GUCY1A2: variants seen among roughly 807,000 people sequenced by gnomAD.
The protein encoded by GUCY1A2 is guanylate cyclase soluble subunit alpha-2.
In GUCY1A2, 27 loss-of-function variants were observed where a neutral mutation model predicts 63.5. That is an observed-to-expected ratio of 0.43 (90% CI 0.31 to 0.59). The LOEUF (loss-of-function observed/expected upper bound fraction) is 0.59, where lower values mean the gene tolerates loss of function less well. GUCY1A2 is among the 20% of genes least tolerant of loss of function. The pLI, the probability that GUCY1A2 is intolerant of heterozygous loss-of-function variation, is 0.11. For missense variants in GUCY1A2, 768 were observed against 913.3 expected, an observed-to-expected ratio of 0.84 and a Z score of 2.05; for synonymous variants, 364 against 343.5, an observed-to-expected ratio of 1.06 and a Z score of -0.66.
At chr11:106,943,671 T>A (rs531111206) in intron 3 of GUCY1A2, among the ~76,000 whole-genome samples, 2 of 152,348 alleles carry the variant, frequency 1.3e-5, no homozygotes, top group East Asian at 3.9e-4. Flanking sequence ...TCATAGAAAT[T>A]AAGCATTCAT....
chr11:106,848,499 A>G (rs1460149107), intron 4 of GUCY1A2, among the ~76,000 whole-genome samples: 1 of 151,698 alleles, frequency 6.6e-6, no homozygotes, highest in Non-Finnish European at 1.5e-5. Context: ...TCCATTTTTA[A>G]GAACTGTAAA....
intron 4 of GUCY1A2, among the ~76,000 whole-genome samples, chr11:106,901,891 G>A (rs1340640463): frequency 1.3e-5 from 2 of 152,032 alleles, no homozygotes; most frequent in Non-Finnish European, 2.9e-5. Context: ...TATCACTGAC[G>A]GACATTTTGG....
At chr11:106,852,099 T>C (rs1238187000) in intron 4 of GUCY1A2, among the ~76,000 whole-genome samples, 1 of 152,040 alleles carries the variant, frequency 6.6e-6, no homozygotes, top group Non-Finnish European at 1.5e-5. Context: ...GTATTTTTTG[T>C]AGCTATTGTA....
At chr11:106,847,244 ATATAT>A (rs1859287197) in intron 4 of GUCY1A2, among the ~76,000 whole-genome samples, 1 of 92,518 alleles carries the variant, frequency 1.1e-5, no homozygotes, top group African/African-American at 3.8e-5. Flanking sequence ...AAAAAAAAAT[ATATAT>A]ATATATATAA....
intron 6 of GUCY1A2, among the ~76,000 whole-genome samples, chr11:106,747,769 G>A (rs1863815078): frequency 6.6e-6 from 1 of 152,210 alleles, no homozygotes; most frequent in African/African-American, 2.4e-5. Flanking sequence ...GGAGTGCTGG[G>A]GTGGGATGGG....
intron 4 of GUCY1A2, among the ~76,000 whole-genome samples, chr11:106,845,762 T>C (rs1193464617): frequency 6.6e-6 from 1 of 151,596 alleles, no homozygotes; most frequent in Non-Finnish European, 1.5e-5. Context: ...ACGAATACAA[T>C]TGATTCTGGC....
chr11:106,993,986 G>C (rs1221423383), intron 1 of GUCY1A2, among the ~76,000 whole-genome samples: 2 of 152,180 alleles, frequency 1.3e-5, no homozygotes, highest in Admixed American at 1.3e-4. Flanking sequence ...AGCTAGAGAT[G>C]CACTAAAATT....
At chr11:106,805,766 C>T (rs1041711600) in intron 5 of GUCY1A2, among the ~76,000 whole-genome samples, 1 of 152,140 alleles carries the variant, frequency 6.6e-6, no homozygotes, top group Non-Finnish European at 1.5e-5. Flanking sequence ...GGAGAATCTC[C>T]TACTTTACAG....
chr11:106,801,551 A>T (rs1260657799), intron 5 of GUCY1A2, among the ~76,000 whole-genome samples: 1 of 152,122 alleles, frequency 6.6e-6, no homozygotes, highest in Non-Finnish European at 1.5e-5. Context: ...CACATGAATG[A>T]TTTAAACCAT....
intron 5 of GUCY1A2, among the ~76,000 whole-genome samples, chr11:106,797,104 G>T (rs565838696): frequency 1.3e-5 from 2 of 152,008 alleles, no homozygotes; most frequent in African/African-American, 4.8e-5. Flanking sequence ...CATAGTTCTC[G>T]TGCCATGGTT....
chr11:106,698,940 T>TA (rs1048043242), intron 7 of GUCY1A2, among the ~76,000 whole-genome samples: 2 of 152,038 alleles, frequency 1.3e-5, no homozygotes, highest in East Asian at 1.9e-4. Flanking sequence ...ATGAGAATAT[T>TA]AAAAAAAACT....
intron 1 of GUCY1A2, among the ~76,000 whole-genome samples, chr11:107,009,233 A>G (rs1402697298): frequency 1.3e-5 from 2 of 152,118 alleles, no homozygotes; most frequent in African/African-American, 4.8e-5. Flanking sequence ...GTGGCCCTAT[A>G]TATCTGATAT....
chr11:106,967,158 A>C (rs1355304882), intron 3 of GUCY1A2, among the ~76,000 whole-genome samples: 3 of 152,148 alleles, frequency 2.0e-5, no homozygotes, highest in African/African-American at 7.2e-5. Context: ...ATCATTTGTC[A>C]CTGTTCTGCT....
At chr11:106,952,460 T>A (rs1860923306) in intron 3 of GUCY1A2, among the ~76,000 whole-genome samples, 1 of 152,158 alleles carries the variant, frequency 6.6e-6, no homozygotes, top group African/African-American at 2.4e-5. Context: ...TCACATCCCT[T>A]GAAAGTTGTA....
At chr11:106,914,738 G>C in intron 4 of GUCY1A2, among the ~76,000 whole-genome samples, 1 of 151,910 alleles carries the variant, frequency 6.6e-6, no homozygotes, top group South Asian at 2.1e-4. Context: ...TATGAGAAGA[G>C]TAAAAATGTT....
At chr11:106,725,056 G>A (rs1358233969) in intron 6 of GUCY1A2, among the ~76,000 whole-genome samples, 2 of 151,012 alleles carry the variant, frequency 1.3e-5, no homozygotes, top group Admixed American at 1.3e-4. Flanking sequence ...AAATAATTAG[G>A]ATTGCAGACT....
At chr11:106,922,855 A>G (rs2119909818) in intron 4 of GUCY1A2, among the ~76,000 whole-genome samples, 1 of 151,958 alleles carries the variant, frequency 6.6e-6, no homozygotes, top group Non-Finnish European at 1.5e-5. Context: ...TAAACGTTCA[A>G]AAATGGTCTT....
chr11:106,755,959 C>T (rs1355510128), intron 6 of GUCY1A2, among the ~76,000 whole-genome samples: 6 of 152,224 alleles, frequency 3.9e-5, no homozygotes, highest in South Asian at 2.1e-4. Context: ...TTAAATTCTC[C>T]GATTACTAAT....
intron 3 of GUCY1A2, among the ~76,000 whole-genome samples, chr11:106,976,815 C>T (rs17574845): frequency 0.014 from 2,100 of 152,284 alleles, 30 homozygotes; most frequent in South Asian, 0.048. Flanking sequence ...TGCACTCACC[C>T]TAATGTCATC....
Sources: gnomAD v4.1 joint callset for allele counts (sites outside exome capture counted in the v4.1 genomes callset) on GRCh38, gnomAD v4.1.1 for gene constraint, MANE v1.5 for transcripts, NCBI Gene and HGNC (gene_info 2026-07-23, HGNC 2026-07-21) for gene names.